The following ABCC8 variants were observed in gnomAD, a reference collection of about 807,000 sequenced individuals.
ABCC8 encodes ATP-binding cassette sub-family C member 8.
Under a neutral mutation model 188.0 loss-of-function variants are expected in ABCC8, and 137 were observed. That is an observed-to-expected ratio of 0.73 (90% CI 0.63 to 0.84). The LOEUF (loss-of-function observed/expected upper bound fraction) is 0.84, where lower values mean the gene tolerates loss of function less well. Ranked by LOEUF, ABCC8 falls within the 40% of genes least tolerant of loss-of-function variation. The pLI is 0.00. For synonymous variants in ABCC8, 797 were observed against 846.5 expected, an observed-to-expected ratio of 0.94 and a Z score of 1.01; for missense variants, 1,750 against 2,072.7, an observed-to-expected ratio of 0.84 and a Z score of 3.02.
intron 26 of ABCC8, among the ~76,000 whole-genome samples, chr11:17,406,136 T>A (rs1233720012): frequency 6.6e-6 from 1 of 152,170 alleles, no homozygotes; most frequent in Non-Finnish European, 1.5e-5. Context: ...GGCCAACCAA[T>A]TGGGCAGGGA....
chr11:17,419,884 T>C (rs571755257), intron 16 of ABCC8, among the ~76,000 whole-genome samples: 3 of 152,304 alleles, frequency 2.0e-5, no homozygotes, highest in African/African-American at 7.2e-5. Flanking sequence ...GCAAGCTCCT[T>C]TACTTGGAGG....
chr11:17,395,528 A>G lies in ABCC8; in HGVS notation c.4307+82T>C. The G allele has an allele frequency of 2.6e-6, 4 of 1,520,594 alleles. No homozygotes were observed. The South Asian group carries it at 4.8e-5, about 18-fold the overall frequency. The allele number at this position is 1,520,594 out of a possible 1,614,324, so 94.2% of individuals were successfully genotyped here. On this transcript the variant is annotated intron_variant, in intron 35 of 38. Transcript: ENST00000389817. ...CACCTCTGGGATCCTGGTCTCCCCC[A>G]ACCCCCTCCTCTTTGTGCTCCAGAT...
At chr11:17,411,893 T>TC (rs1229341400) in intron 21 of ABCC8, among the ~76,000 whole-genome samples, 1 of 129,012 alleles carries the variant, frequency 7.8e-6, no homozygotes, top group Non-Finnish European at 1.6e-5. Flanking sequence ...AATACGTTCT[T>TC]TTTTTTTTTT....
intron 16 of ABCC8, among the ~76,000 whole-genome samples, chr11:17,421,081 C>G (rs774826482): frequency 6.6e-6 from 1 of 152,154 alleles, no homozygotes; most frequent in South Asian, 2.1e-4. Flanking sequence ...TTGTGCCCAC[C>G]CTGCAGCTCT....
intron 17 of ABCC8, 125 bp from the exon 18 acceptor site, chr11:17,415,464 G>T: frequency 6.5e-7 from 1 of 1,538,192 alleles, no homozygotes; most frequent in Non-Finnish European, 8.8e-7. Flanking sequence ...CCAGTCTGTA[G>T]CCACAAATGC....
Position 17,415,508 on chromosome 11 carries a change from A to G in ABCC8, c.2256-169T>C, listed in dbSNP as rs1955028173. Reference sequence around the variant, plus strand: ...GAGGTGTGGAGAGTGGGGTGTGCCCATCTTGGGGAAGCCTCTGCTGCCTGA... The same window carrying G: ...GAGGTGTGGAGAGTGGGGTGTGCCCGTCTTGGGGAAGCCTCTGCTGCCTGA... On this transcript the variant is annotated intron_variant, in intron 17 of 38. Transcript: ENST00000389817. The G allele has an allele frequency of 4.2e-6, 4 of 948,746 alleles. No homozygotes were observed. In the South Asian group the frequency reaches 1.5e-4, roughly 35 times the overall value. 58.8% of individuals were successfully genotyped at this position (948,746 alleles called of 1,614,324 possible).
In ABCC8 at chr11:17,406,794, C is replaced by T. The variant is rs745953132; in HGVS notation, c.3163-6G>A. 1.2e-6 allele frequency: 2 copies of T among 1,614,230 alleles called. No homozygotes were observed. Among genetic ancestry groups the T allele is most frequent in the Admixed American group, 3.3e-5 (2 of 60,026 alleles). On this transcript the variant is annotated splice_region_variant and splice_polypyrimidine_tract_variant and intron_variant, in intron 25 of 38. Coordinates refer to ENST00000389817, the MANE Select transcript of ABCC8 (RefSeq NM_000352.6). ...GTCTGGTCGAGGGTGCACTCCTTCA[C>T]AGGCAGAGAGTGATTTGGAGTTCCA...
intron 3 of ABCC8, among the ~76,000 whole-genome samples, chr11:17,466,448 T>G (rs1309804289): frequency 1.4e-5 from 2 of 147,858 alleles, no homozygotes; most frequent in Admixed American, 1.3e-4. Flanking sequence ...TTAGATGAGG[T>G]ACCTAGAGTG....
Position 17,414,494 on chromosome 11 carries a change from C to T in ABCC8, c.2390+18G>A, listed in dbSNP as rs777425697. On this transcript the variant is annotated intron_variant, in intron 19 of 38. Coordinates refer to ENST00000389817, the MANE Select transcript of ABCC8 (RefSeq NM_000352.6). Reference sequence around the variant, plus strand: ...GTTCCTCCCCTCCACATCCTGCCTCCCTCCGACAGGCTTTTACCGTTGTTT... The same window carrying T: ...GTTCCTCCCCTCCACATCCTGCCTCTCTCCGACAGGCTTTTACCGTTGTTT... 1 of 1,614,108 alleles carries T rather than the reference C, an allele frequency of 6.2e-7. No homozygotes were observed. Among genetic ancestry groups the T allele is most frequent in the Non-Finnish European group, 8.5e-7 (1 of 1,179,950 alleles).
chr11:17,435,820 A>T lies in ABCC8; in HGVS notation c.1631-3576T>A, dbSNP rs936007430. 3.2e-6 allele frequency: 4 copies of T among 1,263,504 alleles called. No individual in the cohort carries two copies. In the African/African-American group the frequency reaches 5.9e-5, roughly 19 times the overall value. The allele number at this position is 1,263,504 out of a possible 1,614,324, so 78.3% of individuals were successfully genotyped here. ...CCAGATATGATACATGAGAGGGAAGATGAGTGCAAACTTAGCTGTGTGGAT... is the reference window on the plus strand; with the variant it reads ...CCAGATATGATACATGAGAGGGAAGTTGAGTGCAAACTTAGCTGTGTGGAT... On this transcript the variant is annotated intron_variant, in intron 10 of 38. Coordinates refer to ENST00000389817, the MANE Select transcript of ABCC8 (RefSeq NM_000352.6).
At chr11:17,467,984 G>C (rs953278785) in intron 3 of ABCC8, among the ~76,000 whole-genome samples, 1 of 150,286 alleles carries the variant, frequency 6.7e-6, no homozygotes, top group African/African-American at 2.5e-5. Context: ...CAGACAGGGT[G>C]TTTCCAGAGG....
chr11:17,393,089 C>T lies in ABCC8; in HGVS notation c.4648G>A (p.Val1550Ile), dbSNP rs765191988. 5.0e-6 allele frequency: 8 copies of T among 1,613,978 alleles called. No homozygotes were observed. The highest frequency in any genetic ancestry group is 1.1e-5 in the South Asian group (1 of 91,084). Reference sequence around the variant, plus strand: ...TCAAGGATGGCACCCCGCTTCAGGACGATCACCAGGTCTGCACTCAGGATG... The same window carrying T: ...TCAAGGATGGCACCCCGCTTCAGGATGATCACCAGGTCTGCACTCAGGATG... ...HTILSADLVI[V>I]LKRGAILEFD... Residue 1550 changes from valine to isoleucine, a missense_variant, in exon 39 of 39, where the codon GTC (valine) becomes ATC (isoleucine). By Grantham distance (29) the Val-to-Ile change is conservative. Coordinates refer to ENST00000389817, the MANE Select transcript of ABCC8 (RefSeq NM_000352.6).
chr11:17,454,839 G>T (rs1197514434), intron 6 of ABCC8, among the ~76,000 whole-genome samples: 1 of 152,142 alleles, frequency 6.6e-6, no homozygotes, highest in African/African-American at 2.4e-5. Context: ...TCTAGGCCTC[G>T]TCCAGGCCTT....
intron 10 of ABCC8, among the ~76,000 whole-genome samples, chr11:17,433,521 C>T (rs1187021287): frequency 6.6e-6 from 1 of 152,366 alleles, no homozygotes; most frequent in African/African-American, 2.4e-5. Context: ...GATGTGGTCC[C>T]CAACTTCAGG....
chr11:17,436,392 T>C (rs1956097018), intron 10 of ABCC8, among the ~76,000 whole-genome samples: 1 of 151,890 alleles, frequency 6.6e-6, no homozygotes, highest in Non-Finnish European at 1.5e-5. Context: ...ACAGCTGTCA[T>C]GGGTTGAAGA....
chr11:17,447,883 T>G (rs558185838), intron 8 of ABCC8, among the ~76,000 whole-genome samples: 1 of 152,194 alleles, frequency 6.6e-6, no homozygotes, highest in East Asian at 1.9e-4. Flanking sequence ...AAAATAAAAA[T>G]CACTTATAAT....
chr11:17,395,565 G>C (rs1953872732), intron 35 of ABCC8, 45 bp downstream of exon 35: 2 of 1,541,044 alleles, frequency 1.3e-6, no homozygotes, highest in African/African-American at 2.7e-5. Flanking sequence ...TGATGGAACT[G>C]AGCCGGCCTG....
chr11:17,404,685 G>A lies in ABCC8; in HGVS notation c.3400-16C>T, dbSNP rs1266253644. The A allele has an allele frequency of 3.8e-6, 6 of 1,592,420 alleles. No homozygotes were observed. Among genetic ancestry groups the A allele is most frequent in the Admixed American group, 3.5e-5 (2 of 56,666 alleles). ...ATGGGATGTGCTGAGGGAGACGAGG[G>A]GGAGAGAGTGAGGTGAATTTTGGTA... is the stretch of plus-strand genomic sequence containing the variant. On this transcript the variant is annotated splice_polypyrimidine_tract_variant and intron_variant, in intron 27 of 38. Coordinates refer to ENST00000389817, the MANE Select transcript of ABCC8 (RefSeq NM_000352.6). This position sits in a 1 kb window ranked among gnomAD's most constrained non-coding sequence, Gnocchi z 4.7.
At chr11:17,468,340 T>C (rs1006799853) in intron 3 of ABCC8, among the ~76,000 whole-genome samples, 3 of 152,186 alleles carry the variant, frequency 2.0e-5, no homozygotes, top group Non-Finnish European at 2.9e-5. Context: ...TAAAAATCAG[T>C]CTGACTTAAG....
Sources: gnomAD v4.1 joint callset for allele counts (sites outside exome capture counted in the v4.1 genomes callset) on GRCh38, gnomAD v4.1.1 for gene constraint, Gnocchi (gnomAD v3.1) non-coding constraint, MANE v1.5 for transcripts, NCBI Gene and HGNC (gene_info 2026-07-23, HGNC 2026-07-21) for gene names.